FUT8: variants seen among roughly 807,000 people sequenced by gnomAD.
FUT8 encodes the protein fucosyltransferase 8.
In FUT8, 29 loss-of-function variants were observed where a neutral mutation model predicts 71.3. That is an observed-to-expected ratio of 0.41 (90% CI 0.30 to 0.55). The LOEUF (loss-of-function observed/expected upper bound fraction) is 0.55, where lower values mean the gene tolerates loss of function less well. Ranked by LOEUF, FUT8 falls within the 20% of genes least tolerant of loss-of-function variation. The probability of loss-of-function intolerance (pLI) is 0.34; values close to 1 mark genes in which losing one functional copy is unlikely to be tolerated. For missense variants in FUT8, 544 were observed against 702.1 expected (o/e 0.77, Z 2.55); for synonymous variants, 254 against 239.3 (o/e 1.06, Z -0.57).
intron 7 of FUT8, among the ~76,000 whole-genome samples, chr14:65,698,215 A>T (rs1894094308): frequency 6.6e-6 from 1 of 152,212 alleles, no homozygotes; most frequent in Non-Finnish European, 1.5e-5. Flanking sequence ...CTTCATATAA[A>T]AATTAACCAT....
chr14:65,523,786 C>A (rs988094025), intron 2 of FUT8, among the ~76,000 whole-genome samples: 37 of 152,182 alleles, frequency 2.4e-4, no homozygotes, highest in Admixed American at 1.6e-3. Context: ...TCAGCTTTCT[C>A]CATATGGCTA....
rs1171429039 is a variant in FUT8 at position 65,418,572 on chromosome 14, T to A, written c.-326+5358T>A. Among the ~76,000 whole-genome samples, 4 of 152,212 alleles carry A rather than the reference T, an allele frequency of 2.6e-5. No homozygotes were observed. The South Asian group carries it at 6.2e-4, about 24-fold the overall frequency. On this transcript the variant is annotated intron_variant, in intron 1 of 10. Transcript: ENST00000673929. ...TAATTAGTGGTAAAGTGGACAGATATAATTTATAGATTCTGTATTGTCTGG... is the reference window on the plus strand; with the variant it reads ...TAATTAGTGGTAAAGTGGACAGATAAAATTTATAGATTCTGTATTGTCTGG...
chr14:65,467,308 A>AT lies in FUT8; in HGVS notation c.-228+11597dup, dbSNP rs752312352. On this transcript the variant is annotated intron_variant, in intron 2 of 10. Transcript: ENST00000673929. The surrounding 1 kb of genome is among the most constrained non-coding windows in gnomAD (Gnocchi z 4.1). ...CAGCCCAGAGGTCTTATTTTATTTT[A>AT]TTTTTTTGAGATGGAGTCTCATTCT... Among the ~76,000 whole-genome samples the AT allele has an allele frequency of 3.0e-4, 45 of 151,268 alleles. No homozygotes were observed. The highest frequency in any genetic ancestry group is 5.3e-4 in the Non-Finnish European group (36 of 67,814).
intron 3 of FUT8, among the ~76,000 whole-genome samples, chr14:65,572,699 A>G (rs866063505): frequency 1.3e-5 from 2 of 152,200 alleles, no homozygotes; most frequent in Non-Finnish European, 1.5e-5. Flanking sequence ...AAGGAAAATT[A>G]TCAGCGATAA....
chr14:65,606,993 A>G (rs13379229), intron 3 of FUT8, among the ~76,000 whole-genome samples: 9,795 of 151,928 alleles, frequency 0.064, 649 homozygotes, highest in African/African-American at 0.15. Flanking sequence ...TGTAAATGTG[A>G]TATTTTAAAA....
In FUT8 at chr14:65,603,955, A is replaced by G. The variant is rs144204411; in HGVS notation, c.204-12023A>G. ...ACACCCAAAGCGAGCAGGAGTAGCT[A>G]TTCTTACATCAGACAAAACAAAAAA... On this transcript the variant is annotated intron_variant, in intron 3 of 10. Transcript: ENST00000673929. The surrounding 1 kb of genome is among the most constrained non-coding windows in gnomAD (Gnocchi z 4.5). Among the ~76,000 whole-genome samples the G allele has an allele frequency of 1.1e-3, 171 of 151,886 alleles. 1 individual carries two copies. The highest frequency in any genetic ancestry group is 1.1e-3 in the Non-Finnish European group (72 of 67,870).
At chr14:65,402,745 T>C in the FUT8 span, among the ~76,000 whole-genome samples, 1 of 152,148 alleles carries the variant, frequency 6.6e-6, no homozygotes, top group East Asian at 1.9e-4. Context: ...AACAATCTCC[T>C]GCCTCAGCCT....
intron 2 of FUT8, among the ~76,000 whole-genome samples, chr14:65,485,784 C>G (rs1266558204): frequency 2.0e-5 from 3 of 152,182 alleles, no homozygotes; most frequent in African/African-American, 7.2e-5. Flanking sequence ...TTCATCAACT[C>G]AAGTTAGTTT....
At chr14:65,591,389 T>C (rs892862241) in intron 3 of FUT8, among the ~76,000 whole-genome samples, 1 of 152,160 alleles carries the variant, frequency 6.6e-6, no homozygotes, top group Non-Finnish European at 1.5e-5. Context: ...TGATACATTA[T>C]ATCTTTGAAA....
chr14:65,383,367 G>T, the FUT8 span, among the ~76,000 whole-genome samples: 3 of 142,786 alleles, frequency 2.1e-5, no homozygotes, highest in Non-Finnish European at 3.0e-5. Context: ...CGCCGCCTCC[G>T]AGGTTCAAGC....
intron 6 of FUT8, among the ~76,000 whole-genome samples, chr14:65,653,198 A>T (rs1213679420): frequency 3.9e-5 from 6 of 152,182 alleles, no homozygotes; most frequent in Admixed American, 3.9e-4. Context: ...GTAGAAAAGC[A>T]TGTGGAACTG....
At chr14:65,552,320 G>T in intron 2 of FUT8, among the ~76,000 whole-genome samples, 1 of 152,076 alleles carries the variant, frequency 6.6e-6, no homozygotes, top group African/African-American at 2.4e-5. Flanking sequence ...AGGGATTTGT[G>T]TCTGTCTTGT....
At chr14:65,395,811 T>A in the FUT8 span, among the ~76,000 whole-genome samples, 1 of 152,272 alleles carries the variant, frequency 6.6e-6, no homozygotes, top group Non-Finnish European at 1.5e-5. Context: ...AAATGGGTTT[T>A]TCTTTTCTAT....
chr14:65,434,377 G>T (rs1407857912), intron 1 of FUT8, among the ~76,000 whole-genome samples: 1 of 152,156 alleles, frequency 6.6e-6, no homozygotes, highest in African/African-American at 2.4e-5. Flanking sequence ...TAGTTCCCTA[G>T]GATGGCCTCT....
At chr14:65,615,317 G>A (rs1447894914) in intron 3 of FUT8, among the ~76,000 whole-genome samples, 1 of 152,120 alleles carries the variant, frequency 6.6e-6, no homozygotes, top group African/African-American at 2.4e-5. Flanking sequence ...GTGTTGCCCA[G>A]GCTGGCCATG....
At chr14:65,485,811 C>G (rs1405607876) in intron 2 of FUT8, among the ~76,000 whole-genome samples, 1 of 152,118 alleles carries the variant, frequency 6.6e-6, no homozygotes, top group Non-Finnish European at 1.5e-5. Flanking sequence ...GCACCTAGCT[C>G]CCCTTGGATT....
chr14:65,721,029 A>C (rs1320048615), intron 7 of FUT8, among the ~76,000 whole-genome samples: 1 of 152,178 alleles, frequency 6.6e-6, no homozygotes, highest in Non-Finnish European at 1.5e-5. Context: ...TGGAAGGGGT[A>C]GTAGACAATC....
In FUT8 at chr14:65,627,727, A is replaced by G. The variant is rs1412807878; in HGVS notation, c.483-1765A>G. Among the ~76,000 whole-genome samples the G allele has an allele frequency of 6.6e-6, 1 of 152,202 alleles. No individual in the cohort carries two copies. Among genetic ancestry groups the G allele is most frequent in the Non-Finnish European group, 1.5e-5 (1 of 68,042 alleles). Reference sequence around the variant, plus strand: ...GTTAAAGTCTGCCATTTTGCCTCTTAGTACGCGTTTGAGCCAACTCACACA... The same window carrying G: ...GTTAAAGTCTGCCATTTTGCCTCTTGGTACGCGTTTGAGCCAACTCACACA... On this transcript the variant is annotated intron_variant, in intron 5 of 10. Transcript: ENST00000673929. The surrounding 1 kb of genome is among the most constrained non-coding windows in gnomAD (Gnocchi z 4.0).
intron 2 of FUT8, among the ~76,000 whole-genome samples, chr14:65,519,448 A>G (rs371111799): frequency 6.6e-6 from 1 of 152,218 alleles, no homozygotes; most frequent in Admixed American, 6.5e-5. Context: ...GTCACAAGGT[A>G]TGGTGGAGAA....
Sources: allele counts gnomAD v4.1 joint callset (sites outside exome capture counted in the v4.1 genomes callset), GRCh38; gene constraint gnomAD v4.1.1; non-coding constraint Gnocchi (gnomAD v3.1); transcripts MANE v1.5; gene names NCBI Gene and HGNC (gene_info 2026-07-23, HGNC 2026-07-21).